The following SNAP47 variants were observed in gnomAD, a reference collection of about 807,000 sequenced individuals.
SNAP47 encodes synaptosome associated protein 47, also known as synaptosomal-associated protein 47.
Under a neutral mutation model 31.4 loss-of-function variants are expected in SNAP47, and 20 were observed. That is an observed-to-expected ratio of 0.64 (90% CI 0.45 to 0.93). SNAP47 has a LOEUF of 0.93. Ranked by LOEUF, SNAP47 falls within the 40% of genes least tolerant of loss-of-function variation. The pLI, the probability that SNAP47 is intolerant of heterozygous loss-of-function variation, is 0.00. For missense variants in SNAP47, 492 were observed against 528.5 expected, an observed-to-expected ratio of 0.93 and a Z score of 0.68; for synonymous variants, 194 against 213.4, an observed-to-expected ratio of 0.91 and a Z score of 0.79.
At position 227,775,918 on chromosome 1, in the gene SNAP47, C is replaced by T. The variant is rs535229261; in HGVS notation, c.1114-4609C>T. The T allele has an allele frequency of 6.9e-4, 903 of 1,302,162 alleles. 1 individual carries two copies. Among genetic ancestry groups the T allele is most frequent in the South Asian group, 2.3e-3 (183 of 80,960 alleles). The allele number at this position is 1,302,162 out of a possible 1,614,324, so 80.7% of individuals were successfully genotyped here. A position where few individuals can be genotyped will look rare whatever the true frequency, so the allele number is the denominator to read the frequency against. On this transcript the variant is annotated intron_variant, in intron 4 of 4. Transcript: ENST00000617596. ...GCGGAAGCTTTTCTTCCAGAACAGC[C>T]TTTGCTCAGGGCATGAGGGAGCCGG...
At chr1:227,759,695 G>A in intron 3 of SNAP47, 1 of 631,434 alleles carries the variant, frequency 1.6e-6, no homozygotes, top group Non-Finnish European at 2.7e-6. Flanking sequence ...ATCACTGAGA[G>A]TTAACTGTAC....
intron 1 of SNAP47, chr1:227,746,462 G>T (rs556861444): frequency 1.3e-5 from 2 of 152,428 alleles, no homozygotes; most frequent in East Asian, 3.9e-4. Context: ...TCCAATGCAG[G>T]TGTGGCTTTT....
chr1:227,735,861 G>A (rs1357544723), intron 1 of SNAP47: 6 of 414,594 alleles, frequency 1.4e-5, no homozygotes, highest in Non-Finnish European at 1.9e-5. Flanking sequence ...GGGATCTGGA[G>A]GGGACGGTGG....
chr1:227,778,575 C>T (rs1439673042), intron 4 of SNAP47, among the ~76,000 whole-genome samples: 1 of 152,228 alleles, frequency 6.6e-6, no homozygotes, highest in East Asian at 1.9e-4. Flanking sequence ...CCAGCCATCC[C>T]TTCCAAGGGC....
At position 227,750,234 on chromosome 1, in the gene SNAP47, T is replaced by C. The variant is rs1572007492; in HGVS notation, c.497+2001T>C. Among the ~76,000 whole-genome samples, 6 of 152,348 alleles carry C rather than the reference T, an allele frequency of 3.9e-5. No homozygotes were observed. In the South Asian group the frequency reaches 1.2e-3, roughly 32 times the overall value. On this transcript the variant is annotated intron_variant, in intron 2 of 4. Transcript: ENST00000617596. ...TAGATGGCAGGTGTGTGTTTTGCCC[T>C]AGTCAGAGTCTGCAGGGGGCCAGCA...
upstream of SNAP47, chr1:227,734,780 T>C: frequency 6.2e-7 from 1 of 1,614,092 alleles, no homozygotes; most frequent in Non-Finnish European, 8.5e-7. Flanking sequence ...GTTGTATTCC[T>C]GGACCCCACA....
intron 3 of SNAP47, among the ~76,000 whole-genome samples, chr1:227,760,029 G>A (rs1662964336): frequency 6.6e-6 from 1 of 152,212 alleles, no homozygotes; most frequent in African/African-American, 2.4e-5. Context: ...AGCCCTTGGT[G>A]GAAGCCAGGG....
intron 3 of SNAP47, among the ~76,000 whole-genome samples, chr1:227,761,676 G>A (rs914390602): frequency 3.9e-5 from 6 of 152,178 alleles, no homozygotes; most frequent in African/African-American, 1.2e-4. Context: ...GGAGGTATGT[G>A]ACGTGCTGTG....
chr1:227,757,222 C>A (rs1662753122), intron 2 of SNAP47, among the ~76,000 whole-genome samples: 1 of 152,180 alleles, frequency 6.6e-6, no homozygotes, highest in African/African-American at 2.4e-5. Flanking sequence ...CCACGTTCAT[C>A]CCTAGAGCTT....
In SNAP47 at chr1:227,747,662, G is replaced by A. The variant is rs375480009; in HGVS notation, c.-45-30G>A. 129 of 1,554,556 alleles carry A rather than the reference G, an allele frequency of 8.3e-5. 1 individual carries two copies. In the East Asian group the frequency reaches 1.6e-3, roughly 19 times the overall value. The stretch of plus-strand genomic sequence containing the variant: ...CTTGTGTCTCCAGTCCATGGGTGAC[G>A]GCAGAACGTTACTGTCTCTTCTCCT... On this transcript the variant is annotated intron_variant, in intron 1 of 4. Coordinates refer to ENST00000617596, the MANE Select transcript of SNAP47 (RefSeq NM_053052.4).
At chr1:227,769,812 G>A (rs1055712301) in intron 4 of SNAP47, among the ~76,000 whole-genome samples, 6 of 152,178 alleles carry the variant, frequency 3.9e-5, no homozygotes, top group African/African-American at 1.4e-4. Context: ...TAGGGCCCAC[G>A]CCATGGACGC....
At chr1:227,776,339 C>T (rs187572968) in intron 4 of SNAP47, 11,454 of 988,136 alleles carry the variant, frequency 0.012, 78 homozygotes, top group Non-Finnish European at 0.013. Flanking sequence ...AAGTTTGTTT[C>T]CCCCAAAACC....
intron 2 of SNAP47, among the ~76,000 whole-genome samples, chr1:227,751,271 C>T (rs915982777): frequency 2.0e-5 from 3 of 152,240 alleles, no homozygotes; most frequent in Admixed American, 1.3e-4. Flanking sequence ...CAGCAGCTGT[C>T]TCCCAGAGGT....
At chr1:227,756,507 A>C (rs1662703504) in intron 2 of SNAP47, among the ~76,000 whole-genome samples, 1 of 152,240 alleles carries the variant, frequency 6.6e-6, no homozygotes, top group South Asian at 2.1e-4. Flanking sequence ...TGATACACAG[A>C]ATATTTCTGG....
chr1:227,743,541 A>G (rs1661758316), intron 1 of SNAP47, among the ~76,000 whole-genome samples: 1 of 152,212 alleles, frequency 6.6e-6, no homozygotes, highest in Non-Finnish European at 1.5e-5. Context: ...GTTCGAGACT[A>G]CAGAAGGCTC....
At chr1:227,728,186 G>A (rs1660436060), upstream of SNAP47, among the ~76,000 whole-genome samples, 1 of 152,166 alleles carries the variant, frequency 6.6e-6, no homozygotes, top group African/African-American at 2.4e-5. Context: ...TGAGTCAACG[G>A]GCACCTCCGG....
At chr1:227,760,116 G>A (rs186580969) in intron 3 of SNAP47, among the ~76,000 whole-genome samples, 2 of 152,322 alleles carry the variant, frequency 1.3e-5, no homozygotes, top group African/African-American at 4.8e-5. Context: ...CCAGTCTCAG[G>A]TGCTCAGTTA....
intron 1 of SNAP47, 78 bp downstream of exon 1, chr1:227,735,577 T>C: frequency 7.5e-7 from 1 of 1,341,138 alleles, no homozygotes; most frequent in African/African-American, 1.5e-5. Flanking sequence ...GTCCGCGCGC[T>C]GTGGCTGACA....
intron 2 of SNAP47, among the ~76,000 whole-genome samples, chr1:227,754,791 TA>T: frequency 6.6e-6 from 1 of 152,276 alleles, no homozygotes; most frequent in East Asian, 1.9e-4. Flanking sequence ...TTGAGAGGAC[TA>T]AAACCAGGAC....
Sources: gnomAD v4.1 joint callset for allele counts (sites outside exome capture counted in the v4.1 genomes callset) on GRCh38, gnomAD v4.1.1 for gene constraint, MANE v1.5 for transcripts, NCBI Gene and HGNC (gene_info 2026-07-23, HGNC 2026-07-21) for gene names.